The following ZSWIM6 variants were observed in gnomAD, a reference collection of about 807,000 sequenced individuals.
ZSWIM6 encodes zinc finger SWIM domain-containing protein 6.
In ZSWIM6, 9 loss-of-function variants were observed where a neutral mutation model predicts 113.2. The ratio of observed to expected loss-of-function variants is 0.08; its 90% CI spans 0.05 to 0.14. ZSWIM6 has a LOEUF of 0.14. Among genes scored for constraint, ZSWIM6 ranks in the 10% least tolerant of loss-of-function variants. The pLI is 1.00. For missense variants in ZSWIM6, 1,162 were observed against 1,552.2 expected (o/e 0.75, Z 4.22); for synonymous variants, 611 against 606.5 (o/e 1.01, Z -0.11).
chr5:61,469,812 A>G (rs1469439973), intron 1 of ZSWIM6, among the ~76,000 whole-genome samples: 1 of 151,962 alleles, frequency 6.6e-6, no homozygotes, highest in Non-Finnish European at 1.5e-5. Flanking sequence ...GGTTCACGCC[A>G]TTCTTCTGCC....
At chr5:61,417,094 A>T (rs945185355) in intron 1 of ZSWIM6, among the ~76,000 whole-genome samples, 3 of 152,110 alleles carry the variant, frequency 2.0e-5, no homozygotes, top group African/African-American at 4.8e-5. Context: ...GTGAGCCGAG[A>T]TTGTGTCATT....
chr5:61,390,924 G>T (rs1745694448), intron 1 of ZSWIM6: 13 of 827,724 alleles, frequency 1.6e-5, no homozygotes, highest in Non-Finnish European at 2.7e-5. Context: ...GTGGACAAAG[G>T]CCCCCAGAGG....
chr5:61,465,170 A>C (rs915766986), intron 1 of ZSWIM6, among the ~76,000 whole-genome samples: 1 of 152,196 alleles, frequency 6.6e-6, no homozygotes, highest in Non-Finnish European at 1.5e-5. Context: ...TGGGGCAAAT[A>C]ATTTACATTC....
chr5:61,525,452 G>T (rs1749249968), intron 5 of ZSWIM6, among the ~76,000 whole-genome samples: 2 of 152,326 alleles, frequency 1.3e-5, no homozygotes, highest in Admixed American at 6.5e-5. Context: ...CACCTCAGAA[G>T]TGGGGAGCAG....
chr5:61,522,080 G>GT (rs369447967), intron 5 of ZSWIM6, among the ~76,000 whole-genome samples: 23,072 of 141,278 alleles, frequency 0.16, 1,877 homozygotes, highest in Non-Finnish European at 0.19. Context: ...TTTCTGTCCT[G>GT]TTTTTTTTGT....
At chr5:61,469,810 C>G (rs1747524989) in intron 1 of ZSWIM6, among the ~76,000 whole-genome samples, 1 of 152,126 alleles carries the variant, frequency 6.6e-6, no homozygotes, top group South Asian at 2.1e-4. Context: ...CGGGTTCACG[C>G]CATTCTTCTG....
Position 61,419,102 on chromosome 5 carries a change from A to G in ZSWIM6, c.677-53579A>G, listed in dbSNP as rs1746307833. ...CTTCCAAAGTTTTGGGATTACAGGC[A>G]TGAGCCACCACGCCCGGCCTCCTCT... On this transcript the variant is annotated intron_variant, in intron 1 of 13. Transcript: ENST00000252744. Among the ~76,000 whole-genome samples the G allele has an allele frequency of 2.0e-5, 3 of 152,282 alleles. No individual in the cohort carries two copies. In the South Asian group the frequency reaches 6.2e-4, roughly 32 times the overall value.
intron 1 of ZSWIM6, among the ~76,000 whole-genome samples, chr5:61,395,138 T>C (rs1319595082): frequency 6.6e-6 from 1 of 152,172 alleles, no homozygotes; most frequent in Non-Finnish European, 1.5e-5. Flanking sequence ...ATGCAACTCA[T>C]CCTCCTTTCA....
chr5:61,468,242 C>T (rs1747482046), intron 1 of ZSWIM6, among the ~76,000 whole-genome samples: 1 of 152,168 alleles, frequency 6.6e-6, no homozygotes, highest in African/African-American at 2.4e-5. Context: ...GACTATACAA[C>T]ACCGTGCCTT....
intron 1 of ZSWIM6, among the ~76,000 whole-genome samples, chr5:61,398,940 T>TGG: frequency 9.8e-6 from 1 of 101,548 alleles, no homozygotes; most frequent in South Asian, 3.7e-4. Context: ...TTTTTTTTTT[T>TGG]GAGACAGAAT....
At chr5:61,428,833 TC>T (rs1348456133) in intron 1 of ZSWIM6, among the ~76,000 whole-genome samples, 3 of 152,242 alleles carry the variant, frequency 2.0e-5, no homozygotes, top group Non-Finnish European at 4.4e-5. Context: ...TTCTTTCTGA[TC>T]TGCTTTCAGT....
At chr5:61,334,302 A>G (rs949862516) in intron 1 of ZSWIM6, among the ~76,000 whole-genome samples, 2 of 152,192 alleles carry the variant, frequency 1.3e-5, no homozygotes, top group African/African-American at 2.4e-5. Context: ...GAAAAGAACA[A>G]TGCTGTAGTG....
At position 61,525,763 on chromosome 5, in the gene ZSWIM6, A is replaced by C. The variant is rs1404824749; in HGVS notation, c.1514-37A>C. The C allele has an allele frequency of 1.9e-6, 3 of 1,549,564 alleles. No individual in the cohort carries two copies. In the Admixed American group the frequency reaches 5.9e-5, roughly 30 times the overall value. Reference sequence around the variant, plus strand: ...TGACTGATTTATTCACATGTGAATAATAGCTGACACGGCTTTCTGAATTGT... The same window carrying C: ...TGACTGATTTATTCACATGTGAATACTAGCTGACACGGCTTTCTGAATTGT... On this transcript the variant is annotated intron_variant, in intron 5 of 13. Transcript: ENST00000252744.
chr5:61,407,625 T>C (rs971588507), intron 1 of ZSWIM6, among the ~76,000 whole-genome samples: 7 of 152,012 alleles, frequency 4.6e-5, no homozygotes, highest in Non-Finnish European at 1.5e-5. Flanking sequence ...AAACATAAGC[T>C]CCTACAAAGC....
chr5:61,497,637 T>A (rs1428567290), intron 4 of ZSWIM6, among the ~76,000 whole-genome samples: 1 of 152,190 alleles, frequency 6.6e-6, no homozygotes, highest in Non-Finnish European at 1.5e-5. Flanking sequence ...TATACATGAG[T>A]CAGTTTTTCA....
intron 13 of ZSWIM6, among the ~76,000 whole-genome samples, 178 bp downstream of exon 13, chr5:61,542,143 C>G (rs1176050478): frequency 6.6e-6 from 1 of 152,338 alleles, no homozygotes; most frequent in East Asian, 1.9e-4. Context: ...GTTATACATA[C>G]TTGTATTATT....
chr5:61,461,236 G>T (rs1405151168), intron 1 of ZSWIM6, among the ~76,000 whole-genome samples: 2 of 152,146 alleles, frequency 1.3e-5, no homozygotes, highest in African/African-American at 2.4e-5. Context: ...GCCAGGCAAG[G>T]TCAAAAGTCT....
chr5:61,381,175 TC>T (rs1485922665), intron 1 of ZSWIM6, among the ~76,000 whole-genome samples: 1 of 152,034 alleles, frequency 6.6e-6, no homozygotes, highest in Non-Finnish European at 1.5e-5. Flanking sequence ...ATCACTTGAA[TC>T]CGGGAGGTAG....
chr5:61,476,972 A>C (rs1580016942), intron 2 of ZSWIM6, among the ~76,000 whole-genome samples: 1 of 152,188 alleles, frequency 6.6e-6, no homozygotes, highest in East Asian at 1.9e-4. Flanking sequence ...ACAATGGATA[A>C]TTATAAAAAA....
Sources: allele counts gnomAD v4.1 joint callset (sites outside exome capture counted in the v4.1 genomes callset), GRCh38; gene constraint gnomAD v4.1.1; transcripts MANE v1.5; gene names NCBI Gene and HGNC (gene_info 2026-07-23, HGNC 2026-07-21).